WWOX: variants seen among roughly 807,000 people sequenced by gnomAD.
WWOX encodes WW domain-containing oxidoreductase.
A neutral mutation model predicts 46.2 loss-of-function variants in WWOX; 69 were observed. The ratio of observed to expected loss-of-function variants is 1.49; its 90% CI spans 1.23 to 1.82. The LOEUF (loss-of-function observed/expected upper bound fraction) is 1.82. Ranked by LOEUF, WWOX falls within the 40% of genes most tolerant of loss-of-function variation. The probability of loss-of-function intolerance (pLI) is 0.00; values close to 1 mark genes in which losing one functional copy is unlikely to be tolerated. For synonymous variants in WWOX, 359 were observed against 202.6 expected, an observed-to-expected ratio of 1.77 and a Z score of -6.56; for missense variants, 919 against 542.6, an observed-to-expected ratio of 1.69 and a Z score of -6.89.
intron 8 of WWOX, among the ~76,000 whole-genome samples, chr16:78,556,540 A>G (rs890090439): frequency 9.9e-5 from 15 of 152,220 alleles, no homozygotes; most frequent in South Asian, 2.1e-4. Flanking sequence ...AGTATCTACA[A>G]TGGAAATGGG....
At chr16:78,937,873 C>G (rs982807691) in intron 8 of WWOX, among the ~76,000 whole-genome samples, 7 of 152,254 alleles carry the variant, frequency 4.6e-5, no homozygotes, top group East Asian at 1.9e-4. Flanking sequence ...AGCAATCTAC[C>G]TGCTTCTCTC....
intron 8 of WWOX, among the ~76,000 whole-genome samples, chr16:79,177,937 A>G (rs1187384694): frequency 6.6e-6 from 1 of 152,182 alleles, no homozygotes; most frequent in Non-Finnish European, 1.5e-5. Flanking sequence ...CCAAGAGCAA[A>G]GCAACGGCAG....
chr16:78,511,094 G>A (rs1428279606), intron 8 of WWOX, among the ~76,000 whole-genome samples: 2 of 152,190 alleles, frequency 1.3e-5, no homozygotes, highest in African/African-American at 4.8e-5. Context: ...GAGAGCAAAA[G>A]TCCTTTATGA....
chr16:79,073,575 C>T (rs766950291), intron 8 of WWOX, among the ~76,000 whole-genome samples: 3 of 152,132 alleles, frequency 2.0e-5, no homozygotes, highest in Non-Finnish European at 4.4e-5. Flanking sequence ...ATTTTAAGAT[C>T]AGTGTTGCAG....
chr16:78,893,057 T>G (rs2044625134), intron 8 of WWOX, among the ~76,000 whole-genome samples: 1 of 152,074 alleles, frequency 6.6e-6, no homozygotes, highest in Non-Finnish European at 1.5e-5. Flanking sequence ...GACCGTGAGG[T>G]CAGAGGAGCA....
intron 8 of WWOX, among the ~76,000 whole-genome samples, chr16:79,018,779 A>G (rs913412115): frequency 1.3e-5 from 2 of 152,166 alleles, no homozygotes; most frequent in African/African-American, 4.8e-5. Flanking sequence ...TGCTAAATAC[A>G]GTGCTTTGAA....
At chr16:78,663,903 G>C (rs1046830352) in intron 8 of WWOX, among the ~76,000 whole-genome samples, 3 of 152,142 alleles carry the variant, frequency 2.0e-5, no homozygotes, top group African/African-American at 7.2e-5. Flanking sequence ...AATGGGTTTG[G>C]AGCCAACAGG....
chr16:78,139,282 C>G (rs1341594473), intron 4 of WWOX, among the ~76,000 whole-genome samples: 1 of 152,164 alleles, frequency 6.6e-6, no homozygotes, highest in African/African-American at 2.4e-5. Context: ...CAGCATTTAA[C>G]TGATTAGAAT....
intron 8 of WWOX, among the ~76,000 whole-genome samples, chr16:79,175,448 C>T (rs1181136348): frequency 1.3e-5 from 2 of 152,170 alleles, no homozygotes; most frequent in Admixed American, 6.5e-5. Context: ...TGGCTCTGGT[C>T]AGTCTGACTC....
Position 78,164,169 on chromosome 16 carries a change from C to G in WWOX, c.410-14C>G. On this transcript the variant is annotated splice_polypyrimidine_tract_variant and intron_variant, in intron 4 of 8. Transcript: ENST00000566780. ...TGTTATGTTTTCTAACATTGACTTT[C>G]CTTTAAACCATAGGGTTCGAAACCG... The G allele has an allele frequency of 6.2e-7, 1 of 1,611,638 alleles. No homozygotes were observed. The highest frequency in any genetic ancestry group is 8.5e-7 in the Non-Finnish European group (1 of 1,178,598).
chr16:78,525,475 A>C (rs1432772641), intron 8 of WWOX: 1 of 152,026 alleles, frequency 6.6e-6, no homozygotes, highest in East Asian at 1.9e-4. Context: ...ATTAGCCACC[A>C]CACCCGGCCC....
At chr16:79,149,510 T>G (rs985397994) in intron 8 of WWOX, among the ~76,000 whole-genome samples, 10 of 152,192 alleles carry the variant, frequency 6.6e-5, no homozygotes, top group African/African-American at 2.4e-4. Context: ...GAAAGCATAC[T>G]GTTTGTTGGG....
At chr16:78,910,272 C>A (rs1157158828) in intron 8 of WWOX, among the ~76,000 whole-genome samples, 2 of 152,088 alleles carry the variant, frequency 1.3e-5, no homozygotes, top group Non-Finnish European at 2.9e-5. Context: ...TTTCTCCTGA[C>A]ATCATGATCA....
At chr16:78,803,738 C>T (rs2050955936) in intron 8 of WWOX, among the ~76,000 whole-genome samples, 2 of 152,172 alleles carry the variant, frequency 1.3e-5, no homozygotes, top group African/African-American at 2.4e-5. Flanking sequence ...GCATTTTAGG[C>T]ATGACCCATC....
At chr16:78,617,780 A>G (rs1482380156) in intron 8 of WWOX, among the ~76,000 whole-genome samples, 6 of 152,096 alleles carry the variant, frequency 3.9e-5, no homozygotes, top group Admixed American at 3.3e-4. Context: ...CCCTATCCAC[A>G]TGTTGCCTCC....
At chr16:78,168,767 A>G (rs1024595457) in intron 5 of WWOX, among the ~76,000 whole-genome samples, 2 of 152,162 alleles carry the variant, frequency 1.3e-5, no homozygotes, top group African/African-American at 4.8e-5. Context: ...GAGCTCTCAA[A>G]TTACTTTTGG....
At chr16:78,717,581 A>T (rs2048593150) in intron 8 of WWOX, among the ~76,000 whole-genome samples, 1 of 152,164 alleles carries the variant, frequency 6.6e-6, no homozygotes, top group South Asian at 2.1e-4. Flanking sequence ...TTCCTGGTGG[A>T]AGAGATTAAT....
intron 8 of WWOX, among the ~76,000 whole-genome samples, chr16:78,548,297 A>G (rs186612711): frequency 1.3e-5 from 2 of 152,128 alleles, no homozygotes; most frequent in East Asian, 3.9e-4. Context: ...GGATCCCATT[A>G]ATTGCATTCA....
chr16:79,168,534 C>G (rs909830398), intron 8 of WWOX, among the ~76,000 whole-genome samples: 3 of 152,204 alleles, frequency 2.0e-5, no homozygotes, highest in African/African-American at 7.2e-5. Flanking sequence ...CTCTCCCCGC[C>G]TCCCTGCCCA....
Sources: allele counts gnomAD v4.1 joint callset (sites outside exome capture counted in the v4.1 genomes callset), GRCh38; gene constraint gnomAD v4.1.1; transcripts MANE v1.5; gene names NCBI Gene and HGNC (gene_info 2026-07-23, HGNC 2026-07-21).